Variants in CACNA2D1 observed in about 807,000 individuals in gnomAD.
CACNA2D1 encodes the protein voltage-dependent calcium channel subunit alpha-2/delta-1.
Under a neutral mutation model 171.5 loss-of-function variants are expected in CACNA2D1, and 53 were observed. That is an observed-to-expected ratio of 0.31 (90% CI 0.25 to 0.39). The LOEUF (loss-of-function observed/expected upper bound fraction) is 0.39. Ranked by LOEUF, CACNA2D1 falls within the 10% of genes least tolerant of loss-of-function variation. The pLI is 1.00. For missense variants in CACNA2D1, 903 were observed against 1,299.8 expected, an observed-to-expected ratio of 0.69 and a Z score of 4.69; for synonymous variants, 442 against 443.1, an observed-to-expected ratio of 1.00 and a Z score of 0.03.
At chr7:81,995,271 T>C (rs1797926478) in intron 19 of CACNA2D1, among the ~76,000 whole-genome samples, 1 of 152,206 alleles carries the variant, frequency 6.6e-6, no homozygotes, top group African/African-American at 2.4e-5. Flanking sequence ...GACATAGAAA[T>C]GTATATGTAC....
At chr7:82,364,759 G>A (rs1821488781) in intron 1 of CACNA2D1, among the ~76,000 whole-genome samples, 1 of 152,164 alleles carries the variant, frequency 6.6e-6, no homozygotes, top group Non-Finnish European at 1.5e-5. Flanking sequence ...TCAGGACTGT[G>A]CGAAAAGGTT....
At chr7:81,957,360 G>A (rs1793526913) in intron 38 of CACNA2D1, among the ~76,000 whole-genome samples, 1 of 151,986 alleles carries the variant, frequency 6.6e-6, no homozygotes, top group Non-Finnish European at 1.5e-5. Flanking sequence ...TAATAACCTG[G>A]TTTCAGGAAC....
chr7:82,022,945 T>C (rs191665241), intron 12 of CACNA2D1, among the ~76,000 whole-genome samples: 14 of 152,036 alleles, frequency 9.2e-5, no homozygotes, highest in East Asian at 7.7e-4. Flanking sequence ...AATTTGAATG[T>C]TTTTTCATTT....
intron 3 of CACNA2D1, among the ~76,000 whole-genome samples, chr7:82,233,771 T>C (rs1803230361): frequency 6.6e-6 from 1 of 152,118 alleles, no homozygotes; most frequent in Non-Finnish European, 1.5e-5. Context: ...CATAACAGGA[T>C]TTATTCCTGC....
intron 12 of CACNA2D1, among the ~76,000 whole-genome samples, chr7:82,024,368 T>C (rs1227480359): frequency 6.6e-6 from 1 of 151,734 alleles, no homozygotes; most frequent in East Asian, 1.9e-4. Flanking sequence ...TGATATCTCA[T>C]TTTGGTTTTG....
intron 3 of CACNA2D1, among the ~76,000 whole-genome samples, chr7:82,273,638 C>T (rs1808928944): frequency 6.6e-6 from 1 of 152,066 alleles, no homozygotes; most frequent in African/African-American, 2.4e-5. Context: ...CAGGAGCACC[C>T]TACCATGCCT....
intron 5 of CACNA2D1, among the ~76,000 whole-genome samples, chr7:82,135,072 C>A (rs1018717650): frequency 1.3e-5 from 2 of 152,014 alleles, no homozygotes; most frequent in Admixed American, 6.6e-5. Context: ...AATGTAACTT[C>A]TTTAATTAGT....
intron 1 of CACNA2D1, among the ~76,000 whole-genome samples, chr7:82,403,441 G>A (rs533071166): frequency 5.3e-4 from 80 of 152,264 alleles, no homozygotes; most frequent in African/African-American, 1.9e-3. Flanking sequence ...GTGTAGTTTA[G>A]TTAGGACTCC....
intron 3 of CACNA2D1, among the ~76,000 whole-genome samples, chr7:82,219,294 T>C (rs1046721555): frequency 2.6e-5 from 4 of 152,134 alleles, no homozygotes; most frequent in African/African-American, 4.8e-5. Flanking sequence ...CACAACAATA[T>C]AGCATACTGC....
intron 1 of CACNA2D1, among the ~76,000 whole-genome samples, chr7:82,369,399 A>G (rs1822115421): frequency 6.6e-6 from 1 of 151,716 alleles, no homozygotes; most frequent in African/African-American, 2.4e-5. Context: ...GTTTCCAGCT[A>G]ACTGGTCAAT....
intron 3 of CACNA2D1, among the ~76,000 whole-genome samples, chr7:82,191,428 C>T (rs1213741911): frequency 6.6e-6 from 1 of 151,732 alleles, no homozygotes; most frequent in Non-Finnish European, 1.5e-5. Flanking sequence ...CTGAATTTAT[C>T]GAGCTGCTTT....
chr7:82,174,517 C>T (rs2129156616), intron 3 of CACNA2D1, among the ~76,000 whole-genome samples: 1 of 152,140 alleles, frequency 6.6e-6, no homozygotes, highest in South Asian at 2.1e-4. Context: ...TAAGGACTTA[C>T]AACTATAACA....
At chr7:82,000,409 G>T (rs924537272) in intron 18 of CACNA2D1, among the ~76,000 whole-genome samples, 2 of 152,068 alleles carry the variant, frequency 1.3e-5, no homozygotes, top group Admixed American at 1.3e-4. Flanking sequence ...GTGTAGGATG[G>T]AAACTAGTGA....
In CACNA2D1 at chr7:81,949,139, A is replaced by T. The variant is rs1270363954; in HGVS notation, c.*1253T>A. On this transcript the variant is annotated 3_prime_UTR_variant, in exon 39 of 39. Coordinates refer to ENST00000356860, the MANE Select transcript of CACNA2D1 (RefSeq NM_000722.4). The stretch of plus-strand genomic sequence containing the variant: ...TATGTGCTACTATTGAAACGAACAA[A>T]GAGGAAACCTAGGATGAATCTTCAT... 1.3e-5 allele frequency: 2 copies of T among 152,042 alleles called. No individual in the cohort carries two copies. Among genetic ancestry groups the T allele is most frequent in the Non-Finnish European group, 2.9e-5 (2 of 67,946 alleles). The allele number at this position is 152,042 out of a possible 1,614,324, so 9.4% of individuals were successfully genotyped here.
intron 21 of CACNA2D1, 96 bp from the exon 22 acceptor site, chr7:81,984,807 T>C: frequency 1.4e-6 from 1 of 730,924 alleles, no homozygotes; most frequent in African/African-American, 1.8e-5. Flanking sequence ...AATCGAAAGA[T>C]CTTCCTCATG....
chr7:82,099,422 C>CTTTTTTTT lies in CACNA2D1; in HGVS notation c.527-14530_527-14523dup, dbSNP rs932080938. On this transcript the variant is annotated intron_variant, in intron 6 of 38. Coordinates refer to ENST00000356860, the MANE Select transcript of CACNA2D1 (RefSeq NM_000722.4). ...ACTCTAAAACAGGTAGCAATACCTT[C>CTTTTTTTT]TTTTTTTTTTTTTTTTTTTTTTTTT... Among the ~76,000 whole-genome samples, 37 of 40,268 alleles carry CTTTTTTTT rather than the reference C, an allele frequency of 9.2e-4. 6 individuals carry two copies. Among genetic ancestry groups the CTTTTTTTT allele is most frequent in the Non-Finnish European group, 1.3e-3 (27 of 20,254 alleles). 26.4% of individuals were successfully genotyped at this position (40,268 alleles called of 152,430 possible). A position where few individuals can be genotyped will look rare whatever the true frequency, so the allele number is the denominator to read the frequency against.
chr7:82,370,989 T>A (rs1052188610), intron 1 of CACNA2D1, among the ~76,000 whole-genome samples: 1 of 152,184 alleles, frequency 6.6e-6, no homozygotes, highest in Admixed American at 6.5e-5. Flanking sequence ...TGATTCTATA[T>A]GCAGTCACAC....
intron 3 of CACNA2D1, among the ~76,000 whole-genome samples, chr7:82,306,547 C>T (rs1438072895): frequency 6.6e-6 from 1 of 152,162 alleles, no homozygotes; most frequent in Non-Finnish European, 1.5e-5. Flanking sequence ...GGGTTAGTGA[C>T]TGGCAGCTTC....
At chr7:82,265,994 C>T (rs148916238) in intron 3 of CACNA2D1, among the ~76,000 whole-genome samples, 3 of 152,272 alleles carry the variant, frequency 2.0e-5, no homozygotes, top group African/African-American at 7.2e-5. Flanking sequence ...CACATTCTAG[C>T]TCATTAAACT....
Sources: gnomAD v4.1 joint callset for allele counts (sites outside exome capture counted in the v4.1 genomes callset) on GRCh38, gnomAD v4.1.1 for gene constraint, MANE v1.5 for transcripts, NCBI Gene and HGNC (gene_info 2026-07-23, HGNC 2026-07-21) for gene names.